PSMD7: variants seen among roughly 807,000 people sequenced by gnomAD.
PSMD7 encodes 26S proteasome non-ATPase regulatory subunit 7.
PSMD7 carries 13 observed loss-of-function variants against 36.4 expected under a neutral mutation model. The observed-to-expected ratio is 0.36, with a 90% CI of 0.23 to 0.57. PSMD7 has a LOEUF of 0.57. Ranked by LOEUF, PSMD7 falls within the 20% of genes least tolerant of loss-of-function variation. The probability of loss-of-function intolerance (pLI) is 0.83; values close to 1 mark genes in which losing one functional copy is unlikely to be tolerated. For synonymous variants in PSMD7, 186 were observed against 151.0 expected, an observed-to-expected ratio of 1.23 and a Z score of -1.70; for missense variants, 298 against 393.6, an observed-to-expected ratio of 0.76 and a Z score of 2.06.
chr16:74,304,056 G>C (rs2034176626), intron 5 of PSMD7: 1 of 378,146 alleles, frequency 2.6e-6, no homozygotes, highest in Non-Finnish European at 4.9e-6. Flanking sequence ...GTGGGCTTGA[G>C]GGAATTTCCA....
chr16:74,302,718 G>A (rs1597119239), intron 5 of PSMD7, among the ~76,000 whole-genome samples: 1 of 152,204 alleles, frequency 6.6e-6, no homozygotes. Context: ...ATTCCAACCT[G>A]TGCGACAGTT....
chr16:74,296,836 A>C lies in PSMD7; in HGVS notation c.-79A>C. 6.7e-7 allele frequency: 1 copy of C among 1,497,390 alleles called. No homozygotes were observed. Among genetic ancestry groups the C allele is most frequent in the Non-Finnish European group, 9.2e-7 (1 of 1,086,664 alleles). 92.8% of individuals were successfully genotyped at this position (1,497,390 alleles called of 1,614,324 possible). On this transcript the variant is annotated 5_prime_UTR_variant, in exon 1 of 7. Transcript: ENST00000219313. ...ACCGGAAGAAGAGGAACTGGGCCTGAAAGGGTACCGGTGACCGCTACTGCT... is the reference window on the plus strand; with the variant it reads ...ACCGGAAGAAGAGGAACTGGGCCTGCAAGGGTACCGGTGACCGCTACTGCT...
intron 1 of PSMD7, among the ~76,000 whole-genome samples, chr16:74,298,842 C>G (rs538086981): frequency 6.6e-6 from 1 of 152,266 alleles, no homozygotes; most frequent in African/African-American, 2.4e-5. Flanking sequence ...CCACTGGACT[C>G]CAGCCTGGGC....
chr16:74,304,119 C>A, intron 5 of PSMD7, 184 bp from the exon 6 acceptor site: 1 of 561,306 alleles, frequency 1.8e-6, no homozygotes. Context: ...AGCAGCACCA[C>A]AGTGATGTTA....
chr16:74,305,218 T>C lies in PSMD7; in HGVS notation c.531-71T>C, dbSNP rs915034569. On this transcript the variant is annotated intron_variant, in intron 6 of 6. Coordinates refer to ENST00000219313, the MANE Select transcript of PSMD7 (RefSeq NM_002811.5). ...AACAAAGCTAGGAATTTTCTTAGAA[T>C]GTAAGAACTTGCCTGATAACATGGT... The C allele has an allele frequency of 8.1e-6, 12 of 1,474,794 alleles. No individual in the cohort carries two copies. In the Admixed American group the frequency reaches 1.6e-4, roughly 20 times the overall value. 91.4% of individuals were successfully genotyped at this position (1,474,794 alleles called of 1,614,324 possible).
intron 3 of PSMD7, 115 bp from the exon 4 acceptor site, chr16:74,301,440 G>A (rs1342680145): frequency 2.7e-6 from 2 of 752,006 alleles, no homozygotes; most frequent in Middle Eastern, 3.3e-4. Flanking sequence ...GGGTAAATAT[G>A]TCTGGAATTT....
rs748112788 is a variant in PSMD7, at chr16:74,301,562, A to G, written c.267A>G (p.Glu89=). The part of the protein sequence containing the change: ...YGMFKKVNAR[E]RIVGWYHTGP... The stretch of plus-strand genomic sequence containing the variant: ...AATTTTTTTCCTTCCTAGCCAGGGA[A>G]AGAATAGTTGGCTGGTACCACACAG... Residue 89 remains glutamate, a synonymous_variant, in exon 4 of 7, where the codon GAA becomes GAG. Transcript: ENST00000219313. 7.4e-6 allele frequency: 12 copies of G among 1,611,600 alleles called. No individual in the cohort carries two copies. In the East Asian group the frequency reaches 2.5e-4, roughly 33 times the overall value.
chr16:74,301,275 G>A, intron 3 of PSMD7, 131 bp downstream of exon 3: 1 of 681,314 alleles, frequency 1.5e-6, no homozygotes, highest in Non-Finnish European at 2.4e-6. Context: ...TGGTAGTAGA[G>A]GAATAAGGTA....
At chr16:74,300,037 T>C in intron 1 of PSMD7, 78 bp from the exon 2 acceptor site, 1 of 1,244,532 alleles carries the variant, frequency 8.0e-7, no homozygotes, top group East Asian at 2.3e-5. Context: ...CCATTGATAT[T>C]TCCCATTGAG....
rs960262148 is a variant in PSMD7, at chr16:74,301,621, A to G, written c.326A>G (p.Asn109Ser). The G allele has an allele frequency of 8.1e-6, 13 of 1,613,298 alleles. No homozygotes were observed. Among genetic ancestry groups the G allele is most frequent in the Non-Finnish European group, 1.0e-5 (12 of 1,179,252 alleles). The change falls in exon 4 of 7, where the codon AAC (asparagine) becomes AGC (serine). Residue 109 changes from asparagine to serine, a missense_variant. Transcript: ENST00000219313. ...PKLHKNDIAI[N>S]ELMKRYCPNS... Reference sequence around the variant, plus strand: ...CTACACAAGAATGACATTGCCATCAACGAACTCATGAAAAGATACTGTCCT... The same window carrying G: ...CTACACAAGAATGACATTGCCATCAGCGAACTCATGAAAAGATACTGTCCT...
At chr16:74,305,262 G>C in intron 6 of PSMD7, 27 bp from the exon 7 acceptor site, 2 of 1,577,786 alleles carry the variant, frequency 1.3e-6, no homozygotes, top group Non-Finnish European at 8.6e-7. Flanking sequence ...GCCTTTTCCT[G>C]CCCTTTTTAA....
At chr16:74,297,993 T>A (rs2034126947) in intron 1 of PSMD7, among the ~76,000 whole-genome samples, 1 of 151,870 alleles carries the variant, frequency 6.6e-6, no homozygotes, top group African/African-American at 2.4e-5. Context: ...GAGGTTTCAG[T>A]TTTTATTTAA....
chr16:74,300,329 T>C, intron 2 of PSMD7, 123 bp downstream of exon 2: 1 of 892,120 alleles, frequency 1.1e-6, no homozygotes. Flanking sequence ...TGCTGAAGTA[T>C]AGAAAAGAGA....
chr16:74,301,163 A>C lies in PSMD7; in HGVS notation c.259+19A>C. ...GTCAATGGTATGTCTTGATGTTCTA[A>C]GGTGTTACAGCATAGAATTGAACTG... is the stretch of plus-strand genomic sequence containing the variant. On this transcript the variant is annotated intron_variant, in intron 3 of 6. Transcript: ENST00000219313. The C allele has an allele frequency of 5.3e-6, 8 of 1,520,546 alleles. No homozygotes were observed. Among genetic ancestry groups the C allele is most frequent in the Non-Finnish European group, 7.3e-6 (8 of 1,099,206 alleles). The allele number at this position is 1,520,546 out of a possible 1,614,324, so 94.2% of individuals were successfully genotyped here.
intron 1 of PSMD7, chr16:74,299,600 C>T (rs1415639854): frequency 4.4e-6 from 2 of 453,878 alleles, no homozygotes; most frequent in Non-Finnish European, 8.8e-6. Flanking sequence ...GCCCACGCTG[C>T]CCATGCTCGT....
chr16:74,296,865 G>A lies in PSMD7; in HGVS notation c.-50G>A. 2 of 1,597,216 alleles carry A rather than the reference G, an allele frequency of 1.3e-6. No individual in the cohort carries two copies. Among genetic ancestry groups the A allele is most frequent in the East Asian group, 2.2e-5 (1 of 44,566 alleles). On this transcript the variant is annotated 5_prime_UTR_variant, in exon 1 of 7. Transcript: ENST00000219313. Reference sequence around the variant, plus strand: ...GGTACCGGTGACCGCTACTGCTGCCGGTGTTTGCGTGTGGCAGGGAGCCAG... The same window carrying A: ...GGTACCGGTGACCGCTACTGCTGCCAGTGTTTGCGTGTGGCAGGGAGCCAG...
chr16:74,304,223 A>G (rs901370563), intron 5 of PSMD7, 80 bp from the exon 6 acceptor site: 10 of 1,299,286 alleles, frequency 7.7e-6, no homozygotes, highest in African/African-American at 2.9e-5. Flanking sequence ...ACTTAAAGCA[A>G]AAGACTCAGG....
chr16:74,305,241 G>A, intron 6 of PSMD7, 48 bp from the exon 7 acceptor site: 1 of 1,546,000 alleles, frequency 6.5e-7, no homozygotes, highest in Non-Finnish European at 8.7e-7. Context: ...CTGATAACAT[G>A]GTACCCTGAT....
At position 74,305,460 on chromosome 16, in the gene PSMD7, C is replaced by T. The variant is rs1192410012; in HGVS notation, c.702C>T (p.Phe234=). 6.2e-7 allele frequency: 1 copy of T among 1,614,170 alleles called. No homozygotes were observed. ...HQIIYQLQDV[F]NLLPDVSLQE... ...TCATCTACCAGCTGCAGGACGTCTT[C>T]AACCTGCTGCCAGATGTCAGCCTGC... is the stretch of plus-strand genomic sequence containing the variant. The change falls in exon 7 of 7, where the codon TTC becomes TTT. Residue 234 remains phenylalanine (F), a synonymous_variant. Coordinates refer to ENST00000219313, the MANE Select transcript of PSMD7 (RefSeq NM_002811.5).
Sources: gnomAD v4.1 joint callset for allele counts (sites outside exome capture counted in the v4.1 genomes callset) on GRCh38, gnomAD v4.1.1 for gene constraint, MANE v1.5 for transcripts, NCBI Gene and HGNC (gene_info 2026-07-23, HGNC 2026-07-21) for gene names.